The following KLHL1 variants were observed in gnomAD, a reference collection of about 807,000 sequenced individuals.
KLHL1 encodes the protein kelch like family member 1.
A neutral mutation model predicts 77.7 loss-of-function variants in KLHL1; 47 were observed. That is an observed-to-expected ratio of 0.60 (90% confidence interval 0.48 to 0.77). The LOEUF is 0.77. Ranked by LOEUF, KLHL1 falls within the 30% of genes least tolerant of loss-of-function variation. The probability of loss-of-function intolerance (pLI) is 0.00; values close to 1 mark genes in which losing one functional copy is unlikely to be tolerated. For synonymous variants in KLHL1, 360 were observed against 325.2 expected, an observed-to-expected ratio of 1.11 and a Z score of -1.15; for missense variants, 925 against 910.8, an observed-to-expected ratio of 1.02 and a Z score of -0.20.
intron 6 of KLHL1, among the ~76,000 whole-genome samples, chr13:69,819,856 C>A (rs1878265326): frequency 6.6e-6 from 1 of 152,102 alleles, no homozygotes; most frequent in South Asian, 2.1e-4. Context: ...CTCCAAAGAT[C>A]AGTTTGAGAG....
At chr13:70,090,910 C>G (rs1285936805) in intron 1 of KLHL1, among the ~76,000 whole-genome samples, 1 of 152,040 alleles carries the variant, frequency 6.6e-6, no homozygotes, top group African/African-American at 2.4e-5. Flanking sequence ...AATATAATAT[C>G]ATGAACTTTG....
At position 69,796,817 on chromosome 13, in the gene KLHL1, C is replaced by G; in HGVS notation, c.1560G>C (p.Leu520Phe). The G allele has an allele frequency of 6.2e-7, 1 of 1,614,060 alleles. No individual in the cohort carries two copies. The highest frequency in any genetic ancestry group is 8.5e-7 in the Non-Finnish European group (1 of 1,179,936). Residue 520 changes from leucine (L) to phenylalanine (F), a missense_variant, in exon 7 of 11, where the codon TTG becomes TTC. By Grantham distance (22) the Leu-to-Phe change is conservative (BLOSUM62 0). Transcript: ENST00000377844. ...VIGGRDGLKT[L>F]NTVECYNPKT... ...TGGGATTGTAACATTCAACAGTGTT[C>G]AATGTCTTTAAGCCATCTCGACCTC...
At chr13:69,781,784 G>T (rs2138005974) in intron 7 of KLHL1, among the ~76,000 whole-genome samples, 1 of 152,122 alleles carries the variant, frequency 6.6e-6, no homozygotes, top group Middle Eastern at 3.4e-3. Flanking sequence ...TTGTACTTTA[G>T]ATTAATTTTC....
intron 7 of KLHL1, among the ~76,000 whole-genome samples, chr13:69,743,672 G>A (rs902898713): frequency 2.6e-5 from 4 of 151,996 alleles, no homozygotes; most frequent in African/African-American, 9.7e-5. Flanking sequence ...TGTAATCCCA[G>A]CTACTTGGGA....
intron 7 of KLHL1, among the ~76,000 whole-genome samples, chr13:69,781,518 T>G (rs1409006361): frequency 6.6e-6 from 1 of 152,160 alleles, no homozygotes; most frequent in Admixed American, 6.5e-5. Flanking sequence ...AAAAGCCTCA[T>G]ATCCATCTGA....
intron 5 of KLHL1, among the ~76,000 whole-genome samples, chr13:69,874,695 C>T (rs1429533373): frequency 6.6e-5 from 10 of 151,938 alleles, no homozygotes; most frequent in Admixed American, 5.2e-4. Context: ...TTGGTAAATG[C>T]TATGTATAAT....
In KLHL1 at chr13:69,818,219, C is replaced by CTTTTTTTTTTTTTTTTTTTTTTTTTT. The variant is rs1316398623; in HGVS notation, c.1414+20756_1414+20757insAAAAAAAAAAAAAAAAAAAAAAAAAA. On this transcript the variant is annotated intron_variant, in intron 6 of 10. Coordinates refer to ENST00000377844, the MANE Select transcript of KLHL1 (RefSeq NM_020866.3). Reference sequence around the variant, plus strand: ...AGAATTTAACTTAACTCATAGGCATCTTTTTTTTTTTTTTTTTTTTGAGAC... The same window carrying CTTTTTTTTTTTTTTTTTTTTTTTTTT: ...AGAATTTAACTTAACTCATAGGCATCTTTTTTTTTTTTTTTTTTTTTTTTTTTTTTTTTTTTTTTTTTTTTTGAGAC... 2.0e-3 allele frequency among the ~76,000 whole-genome samples: 225 copies of CTTTTTTTTTTTTTTTTTTTTTTTTTT among 112,882 alleles called. 19 individuals carry two copies. The highest frequency in any genetic ancestry group is 3.1e-3 in the Non-Finnish European group (174 of 56,850). 74.1% of individuals were successfully genotyped at this position (112,882 alleles called of 152,430 possible). A position where few individuals can be genotyped will look rare whatever the true frequency, so the allele number is the denominator to read the frequency against.
At chr13:69,840,698 A>ATGTATGTATGTATG (rs755515234) in intron 5 of KLHL1, among the ~76,000 whole-genome samples, 21 of 146,340 alleles carry the variant, frequency 1.4e-4, no homozygotes, top group African/African-American at 5.0e-4. Flanking sequence ...ATATATATAT[A>ATGTATGTATGTATG]TATGTATGTA....
chr13:69,755,762 A>C (rs1014211538), intron 7 of KLHL1, among the ~76,000 whole-genome samples: 4 of 152,156 alleles, frequency 2.6e-5, no homozygotes, highest in Admixed American at 1.3e-4. Flanking sequence ...TTACCCTTTT[A>C]TTGTATTTCA....
intron 4 of KLHL1, among the ~76,000 whole-genome samples, chr13:69,928,478 T>C (rs1027926063): frequency 2.0e-5 from 3 of 152,198 alleles, no homozygotes; most frequent in Non-Finnish European, 2.9e-5. Flanking sequence ...CCTATTAAAA[T>C]TACAGCAGCA....
chr13:69,953,485 C>T (rs1489923937), intron 3 of KLHL1, among the ~76,000 whole-genome samples: 2 of 150,902 alleles, frequency 1.3e-5, no homozygotes, highest in Non-Finnish European at 1.5e-5. Flanking sequence ...AAAATTAGGC[C>T]ATGATTTTAC....
Position 69,836,101 on chromosome 13 carries a change from A to T in KLHL1, c.1414+2875T>A, listed in dbSNP as rs1375282269. 5.9e-5 allele frequency among the ~76,000 whole-genome samples: 9 copies of T among 152,230 alleles called. No individual in the cohort carries two copies. In the East Asian group the frequency reaches 1.7e-3, roughly 30 times the overall value. ...CCCAGAAAGAGGGGACGTGAATGGA[A>T]ATGAGCCTGACATTCTTTGCCATTT... On this transcript the variant is annotated intron_variant, in intron 6 of 10. Coordinates refer to ENST00000377844, the MANE Select transcript of KLHL1 (RefSeq NM_020866.3).
At chr13:69,966,390 C>T (rs887400543) in intron 2 of KLHL1, among the ~76,000 whole-genome samples, 2 of 152,088 alleles carry the variant, frequency 1.3e-5, no homozygotes, top group African/African-American at 4.8e-5. Flanking sequence ...GACGACAGCA[C>T]ATCGTTTGCA....
chr13:69,883,062 C>G (rs1028992094), intron 4 of KLHL1, among the ~76,000 whole-genome samples: 1 of 152,094 alleles, frequency 6.6e-6, no homozygotes, highest in Admixed American at 6.6e-5. Flanking sequence ...CATTTATTTT[C>G]TTATTACCAT....
At chr13:70,050,680 C>T (rs992042568) in intron 1 of KLHL1, among the ~76,000 whole-genome samples, 4 of 151,880 alleles carry the variant, frequency 2.6e-5, no homozygotes, top group African/African-American at 9.7e-5. Context: ...CAAACTTCTG[C>T]TTCTGCATTC....
chr13:69,719,685 G>GT (rs1163050528), intron 8 of KLHL1, 104 bp from the exon 9 acceptor site: 19 of 768,774 alleles, frequency 2.5e-5, no homozygotes, highest in Non-Finnish European at 4.0e-5. Context: ...GCTCAAACGT[G>GT]TTGGAAATAT....
chr13:69,975,625 T>C lies in KLHL1; in HGVS notation c.675A>G (p.Ala225=), dbSNP rs1207418449. 1 of 1,613,108 alleles carries C rather than the reference T, an allele frequency of 6.2e-7. No homozygotes were observed. The highest frequency in any genetic ancestry group is 8.5e-7 in the Non-Finnish European group (1 of 1,179,478). The change falls in exon 2 of 11, where the codon GCA becomes GCG. Residue 225 remains alanine, a synonymous_variant. Coordinates refer to ENST00000377844, the MANE Select transcript of KLHL1 (RefSeq NM_020866.3). ...ILIVGNRKIP[A]HRLVLSSVSD... ...GTAGAGGCAGACTACTGTACCTATG[T>C]GCAGGTATCTTTCGGTTCCCAACAA...
At chr13:69,832,646 AAACAACAAC>A (rs377565783) in intron 6 of KLHL1, among the ~76,000 whole-genome samples, 1 of 135,626 alleles carries the variant, frequency 7.4e-6, no homozygotes, top group African/African-American at 3.1e-5. Context: ...AAGCAAGACT[AAACAACAAC>A]AACAACAACA....
At chr13:69,730,767 A>T (rs56864128) in intron 8 of KLHL1, among the ~76,000 whole-genome samples, 10,622 of 152,048 alleles carry the variant, frequency 0.07, 575 homozygotes, top group African/African-American at 0.16. Flanking sequence ...ATTTGTAGAG[A>T]TGGGGTCTCA....
Sources: allele counts gnomAD v4.1 joint callset (sites outside exome capture counted in the v4.1 genomes callset), GRCh38; gene constraint gnomAD v4.1.1; transcripts MANE v1.5; gene names NCBI Gene and HGNC (gene_info 2026-07-23, HGNC 2026-07-21).